Variants in PDGFRA observed in about 807,000 individuals in gnomAD.
PDGFRA encodes the protein platelet derived growth factor receptor alpha, also known as platelet-derived growth factor receptor alpha.
PDGFRA carries 25 observed loss-of-function variants against 121.5 expected under a neutral mutation model. The observed-to-expected ratio is 0.21, with a 90% CI of 0.15 to 0.29. The LOEUF (loss-of-function observed/expected upper bound fraction) is 0.29, where lower values mean the gene tolerates loss of function less well. PDGFRA is among the 10% of genes least tolerant of loss of function. The pLI, the probability that PDGFRA is intolerant of heterozygous loss-of-function variation, is 1.00. For synonymous variants in PDGFRA, 463 were observed against 494.8 expected, an observed-to-expected ratio of 0.94 and a Z score of 0.85; for missense variants, 1,008 against 1,345.1, an observed-to-expected ratio of 0.75 and a Z score of 3.92.
chr4:54,287,622 T>A lies in PDGFRA; in HGVS notation c.2674+81T>A, dbSNP rs1724421285. On this transcript the variant is annotated intron_variant, in intron 19 of 22. Transcript: ENST00000257290. Reference sequence around the variant, plus strand: ...AAATGTGTTCTTTCAAGCCCCAGGATGTAGACAGTGTTAAGATAACCTGGT... The same window carrying A: ...AAATGTGTTCTTTCAAGCCCCAGGAAGTAGACAGTGTTAAGATAACCTGGT... The A allele has an allele frequency of 1.2e-5, 9 of 775,740 alleles. No individual in the cohort carries two copies. In the South Asian group the frequency reaches 1.2e-4, roughly 10 times the overall value. The allele number at this position is 775,740 out of a possible 1,614,324, so 48.1% of individuals were successfully genotyped here. A position where few individuals can be genotyped will look rare whatever the true frequency, so the allele number is the denominator to read the frequency against.
chr4:54,288,420 G>A (rs1389394863), intron 19 of PDGFRA, among the ~76,000 whole-genome samples: 1 of 152,078 alleles, frequency 6.6e-6, no homozygotes, highest in Non-Finnish European at 1.5e-5. Context: ...TTTGATTTTT[G>A]CTTTAGCTAT....
In PDGFRA at chr4:54,274,462, A is replaced by G. The variant is rs1364326820; in HGVS notation, c.1559-69A>G. ...AGATTCCTGGCTCAGACACAGCCACACTACCTTGCTGCCCCTGTGCATGTC... is the reference window on the plus strand; with the variant it reads ...AGATTCCTGGCTCAGACACAGCCACGCTACCTTGCTGCCCCTGTGCATGTC... On this transcript the variant is annotated intron_variant, in intron 10 of 22. Transcript: ENST00000257290. 9.0e-6 allele frequency: 10 copies of G among 1,106,222 alleles called. No homozygotes were observed. The Admixed American group carries it at 1.3e-4, about 15-fold the overall frequency. 68.5% of individuals were successfully genotyped at this position (1,106,222 alleles called of 1,614,324 possible).
chr4:54,250,406 T>A (rs1156676539), intron 1 of PDGFRA, among the ~76,000 whole-genome samples: 1 of 152,222 alleles, frequency 6.6e-6, no homozygotes, highest in Admixed American at 6.5e-5. Flanking sequence ...AGTGACATAT[T>A]TGGCTTATTA....
intron 16 of PDGFRA, among the ~76,000 whole-genome samples, chr4:54,282,709 C>T (rs1454915623): frequency 6.6e-6 from 1 of 152,202 alleles, no homozygotes; most frequent in Non-Finnish European, 1.5e-5. Flanking sequence ...CAAGCCTTAA[C>T]TCATTCCAGC....
intron 5 of PDGFRA, 147 bp downstream of exon 5, chr4:54,265,196 A>T: frequency 1.3e-6 from 1 of 754,822 alleles, no homozygotes; most frequent in Non-Finnish European, 2.3e-6. Flanking sequence ...ACATTTGATT[A>T]AATGGCCTTT....
chr4:54,277,565 A>C, intron 13 of PDGFRA, 73 bp downstream of exon 13: 1 of 972,506 alleles, frequency 1.0e-6, no homozygotes, highest in Non-Finnish European at 1.7e-6. Context: ...GGAATTTCTC[A>C]AAATCATGCA....
At chr4:54,253,937 G>T (rs993480531) in intron 1 of PDGFRA, among the ~76,000 whole-genome samples, 3 of 152,134 alleles carry the variant, frequency 2.0e-5, no homozygotes, top group Admixed American at 2.0e-4. Context: ...CACCCACCTT[G>T]GCCTCCCAAA....
At chr4:54,264,801 A>C in intron 4 of PDGFRA, 118 bp from the exon 5 acceptor site, 1 of 949,448 alleles carries the variant, frequency 1.1e-6, no homozygotes, top group Admixed American at 2.2e-5. Flanking sequence ...ATCTTGATCA[A>C]ACTGGTTTGC....
At chr4:54,282,474 C>T (rs560021779) in intron 16 of PDGFRA, among the ~76,000 whole-genome samples, 2 of 152,150 alleles carry the variant, frequency 1.3e-5, no homozygotes, top group Non-Finnish European at 2.9e-5. Flanking sequence ...CTTACTATTG[C>T]GAGGACAGCA....
intron 1 of PDGFRA, among the ~76,000 whole-genome samples, chr4:54,230,116 C>T (rs1004044240): frequency 3.3e-5 from 5 of 151,976 alleles, no homozygotes; most frequent in Admixed American, 3.3e-4. Flanking sequence ...GAGTCGGGGC[C>T]AGATTTGGCG....
In PDGFRA at chr4:54,296,907, TAA is replaced by T. The variant is rs1002994209; in HGVS notation, c.*1637_*1638del. 2.6e-5 allele frequency: 6 copies of T among 233,024 alleles called. No individual in the cohort carries two copies. The highest frequency in any genetic ancestry group is 5.1e-5 in the Non-Finnish European group (6 of 117,962). The allele number at this position is 233,024 out of a possible 1,614,324, so 14.4% of individuals were successfully genotyped here. ...CAGTCTTAGCTGAGGCTGAGAAAGC[TAA>T]AGTTTGGTTTTGACAGGTTTTCCAA... is the stretch of plus-strand genomic sequence containing the variant. On this transcript the variant is annotated 3_prime_UTR_variant, in exon 23 of 23. Transcript: ENST00000257290.
chr4:54,232,879 C>T (rs1466798874), intron 1 of PDGFRA, among the ~76,000 whole-genome samples: 2 of 152,222 alleles, frequency 1.3e-5, no homozygotes, highest in Non-Finnish European at 2.9e-5. Flanking sequence ...AGCCACCGCG[C>T]CCGGCCAGGA....
At chr4:54,261,038 C>A in intron 2 of PDGFRA, 57 bp from the exon 3 acceptor site, 1 of 1,471,568 alleles carries the variant, frequency 6.8e-7, no homozygotes, top group Non-Finnish European at 9.5e-7. Flanking sequence ...TCTCAGTTGT[C>A]GGGATGAGAC....
chr4:54,260,945 T>C (rs1309991521), intron 2 of PDGFRA, 150 bp from the exon 3 acceptor site: 2 of 667,444 alleles, frequency 3.0e-6, no homozygotes, highest in East Asian at 2.6e-5. Context: ...GCTGTTATAA[T>C]GGGGGAGCTT....
rs1178831870 is a variant in PDGFRA, at chr4:54,274,880, A to G, written c.1693A>G (p.Ile565Val). 1 of 1,614,050 alleles carries G rather than the reference A, an allele frequency of 6.2e-7. No individual in the cohort carries two copies. Among genetic ancestry groups the G allele is most frequent in the Non-Finnish European group, 8.5e-7 (1 of 1,179,908 alleles). Reference protein sequence around the residue: ...YEIRWRVIESISPDGHEYIYV... With the variant: ...YEIRWRVIESVSPDGHEYIYV... Reference sequence around the variant, plus strand: ...AATTCGCTGGAGGGTCATTGAATCAATCAGCCCAGATGGACATGAATATAT... The same window carrying G: ...AATTCGCTGGAGGGTCATTGAATCAGTCAGCCCAGATGGACATGAATATAT... Residue 565 changes from isoleucine (I) to valine (V), a missense_variant, in exon 12 of 23, where the codon ATC (isoleucine) becomes GTC (valine). Ile to Val is a conservative substitution (Grantham distance 29). Transcript: ENST00000257290.
intron 1 of PDGFRA, among the ~76,000 whole-genome samples, chr4:54,254,780 C>T (rs1224726921): frequency 6.6e-6 from 1 of 152,208 alleles, no homozygotes; most frequent in Non-Finnish European, 1.5e-5. Context: ...CTGGATCCCA[C>T]TGTGCCTAAC....
intron 15 of PDGFRA, among the ~76,000 whole-genome samples, chr4:54,279,565 A>T (rs1208211747): frequency 1.3e-5 from 2 of 151,552 alleles, no homozygotes; most frequent in African/African-American, 4.9e-5. Flanking sequence ...AAATTTTTTT[A>T]TTTCCATAGG....
chr4:54,254,998 G>A lies in PDGFRA; in HGVS notation c.-12-3759G>A, dbSNP rs1433529837. ...CACTGGGCCGGGTGGGGGGCGGTGCGACATGGCTAAAACACTGACCTTCCC... is the reference window on the plus strand; with the variant it reads ...CACTGGGCCGGGTGGGGGGCGGTGCAACATGGCTAAAACACTGACCTTCCC... On this transcript the variant is annotated intron_variant, in intron 1 of 22. Coordinates refer to ENST00000257290, the MANE Select transcript of PDGFRA (RefSeq NM_006206.6). Among the ~76,000 whole-genome samples the A allele has an allele frequency of 1.3e-5, 2 of 152,276 alleles. 1 individual carries two copies. Among genetic ancestry groups the A allele is most frequent in the African/African-American group, 4.8e-5 (2 of 41,558 alleles).
At chr4:54,281,481 A>G in intron 16 of PDGFRA, 1 of 738,980 alleles carries the variant, frequency 1.4e-6, no homozygotes, top group South Asian at 1.8e-5. Context: ...AAATGGGTGA[A>G]CTTCCAAGCG....
Sources: allele counts gnomAD v4.1 joint callset (sites outside exome capture counted in the v4.1 genomes callset), GRCh38; gene constraint gnomAD v4.1.1; transcripts MANE v1.5; gene names NCBI Gene and HGNC (gene_info 2026-07-23, HGNC 2026-07-21).